Variants in STK32B observed in about 807,000 individuals in gnomAD.
The protein encoded by STK32B is serine/threonine kinase 32B, also known as serine/threonine-protein kinase 32B.
A neutral mutation model predicts 52.6 loss-of-function variants in STK32B; 43 were observed. The observed-to-expected ratio is 0.82, with a 90% CI of 0.64 to 1.05. The LOEUF is 1.05. Ranked by LOEUF, STK32B falls within the 50% of genes least tolerant of loss-of-function variation. The probability of loss-of-function intolerance (pLI) is 0.00; values close to 1 mark genes in which losing one functional copy is unlikely to be tolerated. For missense variants in STK32B, 621 were observed against 534.6 expected, an observed-to-expected ratio of 1.16 and a Z score of -1.59; for synonymous variants, 238 against 204.3, an observed-to-expected ratio of 1.17 and a Z score of -1.41.
Position 5,091,077 on chromosome 4 carries a change from T to C in STK32B, c.52+39162T>C, listed in dbSNP as rs1358028129. Among the ~76,000 whole-genome samples the C allele has an allele frequency of 2.6e-5, 4 of 152,176 alleles. No individual in the cohort carries two copies. The South Asian group carries it at 6.2e-4, about 24-fold the overall frequency. ...TTAACACCAATCGTTCTCAAATTCGTTGAAAAATATAAAAGGAGGAAACAC... is the reference window on the plus strand; with the variant it reads ...TTAACACCAATCGTTCTCAAATTCGCTGAAAAATATAAAAGGAGGAAACAC... On this transcript the variant is annotated intron_variant, in intron 1 of 11. Transcript: ENST00000282908.
chr4:5,317,471 A>ATATATATATTACATATATATAATATATAT (rs1731157944), intron 3 of STK32B, among the ~76,000 whole-genome samples: 1 of 104,306 alleles, frequency 9.6e-6, no homozygotes, highest in Non-Finnish European at 1.7e-5. Context: ...TATATGTATA[A>ATATATATATTACATATATATAATATATAT]TATATATATT....
rs80277210 is a variant in STK32B, at chr4:5,191,558, G to A, written c.260+23108G>A. On this transcript the variant is annotated intron_variant, in intron 3 of 11. Coordinates refer to ENST00000282908, the MANE Select transcript of STK32B (RefSeq NM_018401.3). ...TGTGAGCCACCGCGCCTTGCCTCCT[G>A]CATTCCTTTTTTAACTTGTTGGTGT... is the stretch of plus-strand genomic sequence containing the variant. Among the ~76,000 whole-genome samples the A allele has an allele frequency of 2.2e-3, 330 of 152,176 alleles. 10 individuals carry two copies. In the East Asian group the frequency reaches 0.055, roughly 26 times the overall value.
chr4:5,230,178 CTTTTTTTTTTTTTT>C lies in STK32B; in HGVS notation c.260+61746_260+61759del, dbSNP rs752036100. 1.0e-3 allele frequency among the ~76,000 whole-genome samples: 71 copies of C among 71,122 alleles called. 1 individual carries two copies. Among genetic ancestry groups the C allele is most frequent in the East Asian group, 3.3e-3 (9 of 2,738 alleles). 46.7% of individuals were successfully genotyped at this position (71,122 alleles called of 152,430 possible). A position where few individuals can be genotyped will look rare whatever the true frequency, so the allele number is the denominator to read the frequency against. ...AGAAGAACACTCAAGCATGCATTCC[CTTTTTTTTTTTTTT>C]TTTTTTTTTTTTTTTTTAGTGGAGT... On this transcript the variant is annotated intron_variant, in intron 3 of 11. Coordinates refer to ENST00000282908, the MANE Select transcript of STK32B (RefSeq NM_018401.3).
rs61184142 is a variant in STK32B, at chr4:5,400,773, G to T, written c.472+2529G>T. On this transcript the variant is annotated intron_variant, in intron 5 of 11. Coordinates refer to ENST00000282908, the MANE Select transcript of STK32B (RefSeq NM_018401.3). The surrounding 1 kb of genome is among the most constrained non-coding windows in gnomAD (Gnocchi z 6.1). ...GGAGCTGATCGGCTTTTTGAGCAGA[G>T]CCTGAAGCTGGCCATTCTTGCCTTT... Among the ~76,000 whole-genome samples the T allele has an allele frequency of 6.6e-6, 1 of 152,190 alleles. No individual in the cohort carries two copies. The highest frequency in any genetic ancestry group is 2.4e-5 in the African/African-American group (1 of 41,440).
intron 1 of STK32B, among the ~76,000 whole-genome samples, chr4:5,131,150 G>T (rs1715749072): frequency 1.3e-5 from 2 of 152,178 alleles, no homozygotes; most frequent in South Asian, 4.1e-4. Context: ...AATTTGAGGA[G>T]AACAGACCTA....
intron 3 of STK32B, among the ~76,000 whole-genome samples, chr4:5,191,979 C>T (rs1721244011): frequency 6.6e-6 from 1 of 152,214 alleles, no homozygotes; most frequent in Non-Finnish European, 1.5e-5. Flanking sequence ...CCTTCCCTGT[C>T]CAACCAGAGG....
At chr4:5,320,349 G>A (rs559103633) in intron 3 of STK32B, among the ~76,000 whole-genome samples, 2 of 152,264 alleles carry the variant, frequency 1.3e-5, no homozygotes, top group African/African-American at 4.8e-5. Context: ...AGTGCCTCTT[G>A]ATTTTCATTA....
chr4:5,142,288 T>C (rs1304515172), intron 2 of STK32B, among the ~76,000 whole-genome samples: 3 of 152,230 alleles, frequency 2.0e-5, no homozygotes, highest in Non-Finnish European at 2.9e-5. Flanking sequence ...TCTTCTTCCC[T>C]GGGGAGTATT....
intron 1 of STK32B, 134 bp from the exon 2 acceptor site, chr4:5,139,771 C>T (rs1301851162): frequency 2.2e-6 from 2 of 902,722 alleles, no homozygotes; most frequent in East Asian, 2.5e-5. Flanking sequence ...GGGTGGACGG[C>T]TGCTCTGGCA....
At chr4:5,334,267 G>C (rs1732474852) in intron 4 of STK32B, among the ~76,000 whole-genome samples, 1 of 151,762 alleles carries the variant, frequency 6.6e-6, no homozygotes, top group Non-Finnish European at 1.5e-5. Flanking sequence ...CTCATGATTT[G>C]GCTCTCTGTT....
chr4:5,161,327 A>C (rs1260078745), intron 2 of STK32B, among the ~76,000 whole-genome samples: 3 of 152,208 alleles, frequency 2.0e-5, no homozygotes, highest in Non-Finnish European at 4.4e-5. Context: ...AGGGACAAAA[A>C]ACCTGCCTCA....
intron 3 of STK32B, among the ~76,000 whole-genome samples, chr4:5,190,631 G>A (rs1207576898): frequency 1.3e-5 from 2 of 152,128 alleles, no homozygotes; most frequent in Admixed American, 6.6e-5. Context: ...TTCTGGACAC[G>A]GAGATCGGCA....
intron 3 of STK32B, among the ~76,000 whole-genome samples, chr4:5,174,799 G>A (rs1021145111): frequency 1.9e-4 from 29 of 152,216 alleles, no homozygotes; most frequent in African/African-American, 7.0e-4. Flanking sequence ...CTCTTCTCGA[G>A]GAGTATCTTT....
At chr4:5,427,570 T>A (rs892239448) in intron 6 of STK32B, among the ~76,000 whole-genome samples, 2 of 152,216 alleles carry the variant, frequency 1.3e-5, no homozygotes, top group African/African-American at 4.8e-5. Flanking sequence ...TTAACAGACA[T>A]GGGACTATTC....
intron 3 of STK32B, among the ~76,000 whole-genome samples, chr4:5,272,037 C>T (rs1379996889): frequency 2.0e-5 from 3 of 148,114 alleles, no homozygotes; most frequent in Non-Finnish European, 4.4e-5. Flanking sequence ...ACTTCCAACA[C>T]TATGTTGAAT....
At chr4:5,081,652 C>G (rs1042154821) in intron 1 of STK32B, among the ~76,000 whole-genome samples, 1 of 151,952 alleles carries the variant, frequency 6.6e-6, no homozygotes, top group African/African-American at 2.4e-5. Flanking sequence ...TCTTCTTGAT[C>G]AAGTTAGCTG....
chr4:5,209,340 G>A (rs1391410979), intron 3 of STK32B, among the ~76,000 whole-genome samples: 1 of 152,142 alleles, frequency 6.6e-6, no homozygotes, highest in East Asian at 1.9e-4. Context: ...TCCCACCTCA[G>A]TCTTTCAGGT....
chr4:5,388,741 G>A (rs1736413538), intron 4 of STK32B, among the ~76,000 whole-genome samples: 1 of 152,210 alleles, frequency 6.6e-6, no homozygotes, highest in African/African-American at 2.4e-5. Flanking sequence ...TTCTTAAGAA[G>A]ATGACTCCCT....
At chr4:5,316,158 TATAA>T in intron 3 of STK32B, among the ~76,000 whole-genome samples, 1 of 88,488 alleles carries the variant, frequency 1.1e-5, no homozygotes, top group African/African-American at 6.5e-5. Flanking sequence ...ACTAAATATA[TATAA>T]CTAAATATAT....
Sources: gnomAD v4.1 joint callset for allele counts (sites outside exome capture counted in the v4.1 genomes callset) on GRCh38, gnomAD v4.1.1 for gene constraint, Gnocchi (gnomAD v3.1) non-coding constraint, MANE v1.5 for transcripts, NCBI Gene and HGNC (gene_info 2026-07-23, HGNC 2026-07-21) for gene names.